Variants in PHLDB2 observed in about 807,000 individuals in gnomAD.
PHLDB2 encodes pleckstrin homology like domain family B member 2.
PHLDB2 carries 71 observed loss-of-function variants against 123.6 expected under a neutral mutation model. That is an observed-to-expected ratio of 0.57 (90% confidence interval 0.47 to 0.70). The LOEUF (loss-of-function observed/expected upper bound fraction) is 0.70. Ranked by LOEUF, PHLDB2 falls within the 30% of genes least tolerant of loss-of-function variation. The probability of loss-of-function intolerance (pLI) is 0.00; values close to 1 mark genes in which losing one functional copy is unlikely to be tolerated. For synonymous variants in PHLDB2, 547 were observed against 541.6 expected, an observed-to-expected ratio of 1.01 and a Z score of -0.14; for missense variants, 1,446 against 1,519.5, an observed-to-expected ratio of 0.95 and a Z score of 0.80.
intron 2 of PHLDB2, among the ~76,000 whole-genome samples, chr3:111,900,280 A>C (rs1359873276): frequency 1.3e-5 from 2 of 152,176 alleles, no homozygotes; most frequent in African/African-American, 2.4e-5. Flanking sequence ...TCTCTTTTGC[A>C]TTTACAACTT....
At chr3:111,930,223 G>C (rs1410137135) in intron 5 of PHLDB2, among the ~76,000 whole-genome samples, 3 of 151,790 alleles carry the variant, frequency 2.0e-5, no homozygotes, top group Non-Finnish European at 4.4e-5. Context: ...TTGTTGATTT[G>C]AGTTTATTAT....
Position 111,846,665 on chromosome 3 carries a change from A to C in PHLDB2, c.67+730A>C, listed in dbSNP as rs560880430. 2.0e-5 allele frequency among the ~76,000 whole-genome samples: 3 copies of C among 152,306 alleles called. No homozygotes were observed. The South Asian group carries it at 6.2e-4, about 32-fold the overall frequency. ...ATTGTGCTAAGTTCTAGACACAAGA[A>C]GTTAAAATAGAAAAACCTGTGTTAG... On this transcript the variant is annotated intron_variant, in intron 2 of 17. Transcript: ENST00000393923.
chr3:111,878,947 G>A (rs912011130), intron 1 of PHLDB2, among the ~76,000 whole-genome samples: 12 of 152,222 alleles, frequency 7.9e-5, no homozygotes, highest in South Asian at 2.1e-4. Context: ...TGCTGGATTC[G>A]GTTTTCCAGT....
intron 1 of PHLDB2, among the ~76,000 whole-genome samples, chr3:111,770,264 G>A (rs1053977775): frequency 1.3e-5 from 2 of 152,152 alleles, no homozygotes; most frequent in South Asian, 4.1e-4. Context: ...TCAGCCTGGG[G>A]AAACATTTAC....
intron 5 of PHLDB2, among the ~76,000 whole-genome samples, chr3:111,928,088 A>G (rs1356220476): frequency 6.6e-6 from 1 of 152,250 alleles, no homozygotes; most frequent in Non-Finnish European, 1.5e-5. Context: ...TAGACGATAA[A>G]TATTTCACCT....
intron 16 of PHLDB2, among the ~76,000 whole-genome samples, chr3:111,970,874 C>A (rs2072129465): frequency 6.6e-6 from 1 of 152,118 alleles, no homozygotes; most frequent in Non-Finnish European, 1.5e-5. Context: ...GTCATTTAAT[C>A]AATCCAGTGA....
intron 1 of PHLDB2, among the ~76,000 whole-genome samples, chr3:111,755,560 T>C (rs1375143564): frequency 6.7e-6 from 1 of 148,284 alleles, no homozygotes; most frequent in African/African-American, 2.5e-5. Flanking sequence ...TTATTAGTCT[T>C]GCTAGTGGTC....
chr3:111,906,489 C>T (rs932126731), intron 2 of PHLDB2, among the ~76,000 whole-genome samples: 2 of 151,990 alleles, frequency 1.3e-5, no homozygotes, highest in South Asian at 2.1e-4. Context: ...AGTACATTGA[C>T]GAAAGGAGGA....
chr3:111,786,299 A>T (rs1326485072), intron 1 of PHLDB2, among the ~76,000 whole-genome samples: 1 of 152,200 alleles, frequency 6.6e-6, no homozygotes, highest in East Asian at 1.9e-4. Flanking sequence ...CTTAGCACAG[A>T]TGCAGTTTTT....
In PHLDB2 at chr3:111,942,742, G is replaced by A. The variant is rs144994506; in HGVS notation, c.2397+2097G>A. Among the ~76,000 whole-genome samples, 691 of 151,832 alleles carry A rather than the reference G, an allele frequency of 4.6e-3. 3 individuals are homozygous for A. The highest frequency in any genetic ancestry group is 0.016 in the African/African-American group (666 of 41,452). ...CGTGTCTTAGATGAACTTCATTCACGCTGTTATAGTGTTGCTGACTGTCAG... is the reference window on the plus strand; with the variant it reads ...CGTGTCTTAGATGAACTTCATTCACACTGTTATAGTGTTGCTGACTGTCAG... On this transcript the variant is annotated intron_variant, in intron 8 of 17. Coordinates refer to ENST00000431670, the MANE Select transcript of PHLDB2 (RefSeq NM_001134438.2).
At chr3:111,831,732 G>C (rs1304224413) in intron 1 of PHLDB2, among the ~76,000 whole-genome samples, 2 of 152,080 alleles carry the variant, frequency 1.3e-5, no homozygotes, top group Admixed American at 1.3e-4. Flanking sequence ...TTATAGGTAT[G>C]GGTGATATAG....
chr3:111,817,435 A>C (rs1284079112), intron 1 of PHLDB2, among the ~76,000 whole-genome samples: 1 of 152,234 alleles, frequency 6.6e-6, no homozygotes, highest in Admixed American at 6.5e-5. Flanking sequence ...ATAAAGGAGA[A>C]AGAATAGGAT....
At chr3:111,764,230 A>C (rs1195076667) in intron 1 of PHLDB2, among the ~76,000 whole-genome samples, 1 of 152,234 alleles carries the variant, frequency 6.6e-6, no homozygotes, top group Non-Finnish European at 1.5e-5. Context: ...ACTGTTGGTC[A>C]GCAGCCCAGG....
Position 111,885,054 on chromosome 3 carries a change from G to T in PHLDB2, c.977G>T (p.Ser326Ile). 6.2e-7 allele frequency: 1 copy of T among 1,614,134 alleles called. No homozygotes were observed. Among genetic ancestry groups the T allele is most frequent in the South Asian group, 1.1e-5 (1 of 91,074 alleles). The change falls in exon 2 of 18, where the codon AGT becomes ATT. Residue 326 changes from serine (S) to isoleucine (I), a missense_variant. This residue lies in a region of PHLDB2 where 832 missense variants were observed against 831.9 expected (regional missense o/e 1.00). Coordinates refer to ENST00000431670, the MANE Select transcript of PHLDB2 (RefSeq NM_001134438.2). ...GCTTCTGAAGGCAATCCTTATGTAA[G>T]TTCTACCCTCAGTGTCCCTGCCAGT... Reference protein sequence around the residue: ...TSASEGNPYVSSTLSVPASPR... With the variant: ...TSASEGNPYVISTLSVPASPR...
intron 15 of PHLDB2, among the ~76,000 whole-genome samples, chr3:111,968,638 G>C (rs947783715): frequency 6.6e-6 from 1 of 152,224 alleles, no homozygotes; most frequent in Non-Finnish European, 1.5e-5. Context: ...CCATTTGATA[G>C]TATAGCAGTT....
chr3:111,756,172 G>A (rs1387177638), intron 1 of PHLDB2, among the ~76,000 whole-genome samples: 3 of 151,834 alleles, frequency 2.0e-5, no homozygotes, highest in Non-Finnish European at 4.4e-5. Context: ...TATTAGGTCC[G>A]CTTGGTGCAG....
intron 1 of PHLDB2, among the ~76,000 whole-genome samples, chr3:111,821,368 G>A (rs1253745602): frequency 3.3e-5 from 5 of 152,198 alleles, no homozygotes; most frequent in African/African-American, 1.2e-4. Flanking sequence ...ACAGAAGTGG[G>A]AGAGACAGAC....
rs2063281882 is a variant in PHLDB2, at chr3:111,834,247, T to TCTATTATATACATA, written c.-48-11574_-48-11573insCTATTATATACATA. On this transcript the variant is annotated intron_variant, in intron 1 of 17. Coordinates refer to the PHLDB2 transcript ENST00000393923. ...ATATATATTATGTATATAATAGAAT[T>TCTATTATATACATA]ATATATATAATTCTATTATATACAT... Among the ~76,000 whole-genome samples the TCTATTATATACATA allele has an allele frequency of 5.3e-5, 5 of 93,934 alleles. 1 individual carries two copies. The highest frequency in any genetic ancestry group is 3.7e-4 in the African/African-American group (5 of 13,540). The allele number at this position is 93,934 out of a possible 152,430, so 61.6% of individuals were successfully genotyped here. A position where few individuals can be genotyped will look rare whatever the true frequency, so the allele number is the denominator to read the frequency against.
chr3:111,845,715 G>A (rs574038316), intron 1 of PHLDB2: 1 of 1,297,424 alleles, frequency 7.7e-7, no homozygotes, highest in African/African-American at 1.5e-5. Context: ...AGTTTCCCCG[G>A]ATGTTAAACA....
Sources: allele counts gnomAD v4.1 joint callset (sites outside exome capture counted in the v4.1 genomes callset), GRCh38; gene constraint gnomAD v4.1.1; regional missense constraint gnomAD v4.1.1; transcripts MANE v1.5; gene names NCBI Gene and HGNC (gene_info 2026-07-23, HGNC 2026-07-21).